Variants in FMN2 observed in about 807,000 individuals in gnomAD.
FMN2 encodes the protein formin-2.
FMN2 carries 51 observed loss-of-function variants against 142.3 expected under a neutral mutation model. That is an observed-to-expected ratio of 0.36 (90% CI 0.29 to 0.45). FMN2 has a LOEUF of 0.45. Ranked by LOEUF, FMN2 falls within the 20% of genes least tolerant of loss-of-function variation. The pLI is 1.00. For missense variants in FMN2, 1,936 were observed against 2,122.8 expected, an observed-to-expected ratio of 0.91 and a Z score of 1.73; for synonymous variants, 882 against 869.8, an observed-to-expected ratio of 1.01 and a Z score of -0.25.
At chr1:240,464,495 A>G (rs1676549854) in intron 16 of FMN2, among the ~76,000 whole-genome samples, 1 of 152,204 alleles carries the variant, frequency 6.6e-6, no homozygotes, top group Non-Finnish European at 1.5e-5. Context: ...CTGTGCATTA[A>G]TTTTATGTTC....
Position 240,178,040 on chromosome 1 carries a change from G to A in FMN2, c.1902G>A (p.Glu634=). ...SMGPPSKPPD[E]EHRLEDAETE... is the part of the protein sequence containing the mutation. The stretch of plus-strand genomic sequence containing the variant: ...GGCCACCATCCAAACCTCCCGATGA[G>A]GAACACAGGCTCGAGGATGCTGAAA... Residue 634 remains glutamate, a synonymous_variant, in exon 3 of 18, where the codon GAG becomes GAA. Coordinates refer to ENST00000319653, the MANE Select transcript of FMN2 (RefSeq NM_020066.5). 1 of 1,609,424 alleles carries A rather than the reference G, an allele frequency of 6.2e-7. No homozygotes were observed. The highest frequency in any genetic ancestry group is 8.5e-7 in the Non-Finnish European group (1 of 1,178,450).
chr1:240,457,716 G>C (rs1345415220), intron 16 of FMN2: 2 of 152,250 alleles, frequency 1.3e-5, no homozygotes, highest in Non-Finnish European at 2.9e-5. Context: ...CATGGATGAA[G>C]CATCGCATGC....
chr1:240,211,013 T>G (rs1666670134), intron 5 of FMN2, 78 bp from the exon 6 acceptor site: 1 of 1,403,490 alleles, frequency 7.1e-7, no homozygotes, highest in Non-Finnish European at 9.6e-7. Flanking sequence ...CTCCCTCCCC[T>G]TCTTCCTTTC....
intron 13 of FMN2, among the ~76,000 whole-genome samples, chr1:240,335,837 G>T (rs1488580090): frequency 6.6e-6 from 1 of 152,140 alleles, no homozygotes; most frequent in African/African-American, 2.4e-5. Flanking sequence ...ACACCAGATA[G>T]TGGGTTTGAA....
intron 2 of FMN2, chr1:240,171,139 A>C (rs1664686482): frequency 8.6e-7 from 1 of 1,165,466 alleles, no homozygotes; most frequent in Non-Finnish European, 1.3e-6. Context: ...AGGGTGAAAG[A>C]GTGTAGAAAG....
intron 2 of FMN2, among the ~76,000 whole-genome samples, chr1:240,132,341 TC>T (rs1662774211): frequency 1.3e-5 from 2 of 152,080 alleles, no homozygotes; most frequent in Admixed American, 6.6e-5. Context: ...AGTTGACCAA[TC>T]AAAAGATTAA....
chr1:240,313,989 T>C lies in FMN2; in HGVS notation c.4216-15087T>C, dbSNP rs143898428. Among the ~76,000 whole-genome samples the C allele has an allele frequency of 9.9e-5, 15 of 152,158 alleles. No homozygotes were observed. The East Asian group carries it at 2.9e-3, about 29-fold the overall frequency. On this transcript the variant is annotated intron_variant, in intron 8 of 17. Coordinates refer to ENST00000319653, the MANE Select transcript of FMN2 (RefSeq NM_020066.5). ...AGACTCTGTCTCAGAAAAAAAATAG[T>C]GTATGTTAACATCCTGAAAAATATT...
At position 240,178,067 on chromosome 1, in the gene FMN2, A is replaced by C. The variant is rs751067966; in HGVS notation, c.1929A>C (p.Thr643=). The C allele has an allele frequency of 6.3e-7, 1 of 1,588,158 alleles. No homozygotes were observed. The highest frequency in any genetic ancestry group is 1.4e-5 in the African/African-American group (1 of 73,616). The change falls in exon 3 of 18, where the codon ACA becomes ACC. Residue 643 remains threonine (T), a splice_region_variant and synonymous_variant. Transcript: ENST00000319653. ...AACACAGGCTCGAGGATGCTGAAAC[A>C]GGTAACCCTTTCCTTTGTCTTCAGA... ...DEEHRLEDAE[T]ESQSAVSETP... is the part of the protein sequence containing the mutation.
chr1:240,309,816 G>A (rs2102985529), intron 8 of FMN2, among the ~76,000 whole-genome samples: 1 of 152,258 alleles, frequency 6.6e-6, no homozygotes, highest in South Asian at 2.1e-4. Flanking sequence ...GGGATGAGAG[G>A]CAGTAACTGG....
rs529379290 is a variant in FMN2 at position 240,214,444 on chromosome 1, G to A, written c.4065+3209G>A. ...CAGGTGCCCGTAGTCTCAGCTACTC[G>A]GGAGGCTGAGGCAGGAGAATGGCGT... On this transcript the variant is annotated intron_variant, in intron 6 of 17. Coordinates refer to ENST00000319653, the MANE Select transcript of FMN2 (RefSeq NM_020066.5). Among the ~76,000 whole-genome samples, 14 of 151,738 alleles carry A rather than the reference G, an allele frequency of 9.2e-5. No individual in the cohort carries two copies. In the South Asian group the frequency reaches 1.7e-3, roughly 18 times the overall value.
At chr1:240,201,733 A>T (rs1178955279) in intron 4 of FMN2, among the ~76,000 whole-genome samples, 1 of 152,174 alleles carries the variant, frequency 6.6e-6, no homozygotes, top group East Asian at 1.9e-4. Context: ...TATGGAAAAA[A>T]AGTGAATCTT....
intron 7 of FMN2, among the ~76,000 whole-genome samples, chr1:240,287,441 G>A: frequency 6.6e-6 from 1 of 152,184 alleles, no homozygotes; most frequent in East Asian, 1.9e-4. Context: ...AAGAGGGCAT[G>A]AACCGTAAAT....
intron 7 of FMN2, among the ~76,000 whole-genome samples, chr1:240,291,762 A>T (rs148335353): frequency 1.1e-4 from 16 of 152,006 alleles, no homozygotes; most frequent in African/African-American, 3.6e-4. Context: ...TTTTGGATAC[A>T]CGGGGAAGCT....
At chr1:240,428,463 G>C (rs1490863864) in intron 15 of FMN2, among the ~76,000 whole-genome samples, 2 of 152,050 alleles carry the variant, frequency 1.3e-5, no homozygotes, top group African/African-American at 2.4e-5. Flanking sequence ...CTGGCTTGAA[G>C]TGATCCTCTT....
intron 7 of FMN2, among the ~76,000 whole-genome samples, chr1:240,266,330 C>T (rs1668802365): frequency 6.6e-6 from 1 of 151,928 alleles, no homozygotes; most frequent in South Asian, 2.1e-4. Flanking sequence ...AAATGGGTAG[C>T]CACCTAGCAC....
At chr1:240,337,803 G>A (rs1049488802) in intron 13 of FMN2, among the ~76,000 whole-genome samples, 1 of 152,138 alleles carries the variant, frequency 6.6e-6, no homozygotes, top group Non-Finnish European at 1.5e-5. Flanking sequence ...TTAATGAGAC[G>A]ACTGAATCTC....
Position 240,304,742 on chromosome 1 carries a change from G to A in FMN2, c.4215+9859G>A, listed in dbSNP as rs1394080226. Among the ~76,000 whole-genome samples the A allele has an allele frequency of 2.6e-5, 4 of 152,188 alleles. No homozygotes were observed. In the South Asian group the frequency reaches 8.3e-4, roughly 31 times the overall value. ...AGCACAGATCCTTTATATTTGGAAG[G>A]TGAGGACATTGGGAGGTTGGCTCAC... is the stretch of plus-strand genomic sequence containing the variant. On this transcript the variant is annotated intron_variant, in intron 8 of 17. Transcript: ENST00000319653.
intron 2 of FMN2, chr1:240,143,166 G>T: frequency 6.3e-7 from 1 of 1,579,134 alleles, no homozygotes. Flanking sequence ...GCGCAACATT[G>T]CAGCCAGACG....
At chr1:240,345,374 T>C (rs1032000103) in intron 13 of FMN2, among the ~76,000 whole-genome samples, 2 of 152,192 alleles carry the variant, frequency 1.3e-5, no homozygotes, top group Non-Finnish European at 2.9e-5. Flanking sequence ...GAATGTGAAA[T>C]ATTGGCAAAG....
Sources: allele counts gnomAD v4.1 joint callset (sites outside exome capture counted in the v4.1 genomes callset), GRCh38; gene constraint gnomAD v4.1.1; transcripts MANE v1.5; gene names NCBI Gene and HGNC (gene_info 2026-07-23, HGNC 2026-07-21).